GPAT3: variants seen among roughly 807,000 people sequenced by gnomAD.
The protein encoded by GPAT3 is glycerol-3-phosphate acyltransferase 3.
Under a neutral mutation model 58.8 loss-of-function variants are expected in GPAT3, and 53 were observed. The observed-to-expected ratio is 0.90, with a 90% CI of 0.72 to 1.13. The LOEUF is 1.13. Ranked by LOEUF, GPAT3 falls within the 50% of genes most tolerant of loss-of-function variation. The pLI, the probability that GPAT3 is intolerant of heterozygous loss-of-function variation, is 0.00. For missense variants in GPAT3, 511 were observed against 527.6 expected, an observed-to-expected ratio of 0.97 and a Z score of 0.31; for synonymous variants, 197 against 187.4, an observed-to-expected ratio of 1.05 and a Z score of -0.42.
chr4:83,539,822 G>C (rs1042863529), intron 1 of GPAT3, among the ~76,000 whole-genome samples: 3 of 152,202 alleles, frequency 2.0e-5, no homozygotes, highest in Non-Finnish European at 4.4e-5. Context: ...TAATATTACA[G>C]CTTTATAGTC....
chr4:83,588,493 T>C (rs938566479), intron 5 of GPAT3, among the ~76,000 whole-genome samples, 194 bp downstream of exon 5: 2 of 152,228 alleles, frequency 1.3e-5, no homozygotes, highest in African/African-American at 4.8e-5. Flanking sequence ...AAGAATATAA[T>C]AATAAACACG....
At chr4:83,597,382 A>C in intron 8 of GPAT3, 48 bp from the exon 9 acceptor site, 1 of 995,382 alleles carries the variant, frequency 1.0e-6, no homozygotes, top group Non-Finnish European at 1.4e-6. Context: ...TATTTTTAAA[A>C]TGACTGCCTT....
At chr4:83,592,228 G>A (rs1726628472) in intron 6 of GPAT3, among the ~76,000 whole-genome samples, 1 of 152,132 alleles carries the variant, frequency 6.6e-6, no homozygotes, top group African/African-American at 2.4e-5. Context: ...TTTAGATCAT[G>A]TATAACCGCA....
rs1560621462 is a variant in GPAT3, at chr4:83,579,081, C to CCTTCCTTCCTTCCTTCCTT, written c.209-2480_209-2479insTTCCTTCCTTCCTTCCTTC. Among the ~76,000 whole-genome samples the CCTTCCTTCCTTCCTTCCTT allele has an allele frequency of 1.5e-3, 30 of 19,678 alleles. 1 individual carries two copies. The highest frequency in any genetic ancestry group is 4.2e-3 in the African/African-American group (23 of 5,436). The allele number at this position is 19,678 out of a possible 152,430, so 12.9% of individuals were successfully genotyped here. A position where few individuals can be genotyped will look rare whatever the true frequency, so the allele number is the denominator to read the frequency against. ...TTCTTTCTTTCTTTCTTTCTTTCTT[C>CCTTCCTTCCTTCCTTCCTT]CCTTCCTTCCTTCCTTCCTTCCTTC... is the stretch of plus-strand genomic sequence containing the variant. On this transcript the variant is annotated intron_variant, in intron 2 of 11. Coordinates refer to ENST00000264409, the MANE Select transcript of GPAT3 (RefSeq NM_032717.5).
chr4:83,597,623 A>G (rs1726894045), intron 9 of GPAT3, 108 bp downstream of exon 9: 1 of 749,878 alleles, frequency 1.3e-6, no homozygotes. Context: ...GAGGAACACC[A>G]GTTTTCGGAT....
rs574822384 is a variant in GPAT3, at chr4:83,577,045, C to T, written c.209-4517C>T. On this transcript the variant is annotated intron_variant, in intron 2 of 11. Transcript: ENST00000264409. ...ACATCACCAGTCATGACAACTGTCT[C>T]CTGATGAGATGCACTGAGAATACCA... Among the ~76,000 whole-genome samples the T allele has an allele frequency of 5.3e-5, 8 of 152,296 alleles. No individual in the cohort carries two copies. In the East Asian group the frequency reaches 1.5e-3, roughly 29 times the overall value.
At chr4:83,551,665 C>A (rs6813640) in intron 2 of GPAT3, among the ~76,000 whole-genome samples, 52,681 of 151,132 alleles carry the variant, frequency 0.35, 9,547 homozygotes, top group Middle Eastern at 0.45. Context: ...GGTGGTGCGC[C>A]CCTATAGTCT....
chr4:83,604,063 TTTTG>T lies in GPAT3; in HGVS notation c.1206-585_1206-582del, dbSNP rs374143978. On this transcript the variant is annotated intron_variant, in intron 11 of 11. Coordinates refer to ENST00000264409, the MANE Select transcript of GPAT3 (RefSeq NM_032717.5). ...TTAATAATCCTTGTTTCAATCCAGT[TTTTG>T]TTTGTTTGTTTGTTTGTTTTTGAGA... 1.9e-3 allele frequency among the ~76,000 whole-genome samples: 293 copies of T among 152,052 alleles called. 4 individuals are homozygous for T. The highest frequency in any genetic ancestry group is 3.2e-3 in the Non-Finnish European group (216 of 67,988).
At chr4:83,541,097 C>G (rs923293023) in intron 1 of GPAT3, among the ~76,000 whole-genome samples, 3 of 152,192 alleles carry the variant, frequency 2.0e-5, no homozygotes, top group Admixed American at 2.0e-4. Flanking sequence ...CAATTCAAAT[C>G]TATATCTATC....
chr4:83,560,139 T>G (rs957142978), intron 2 of GPAT3, among the ~76,000 whole-genome samples: 1 of 152,120 alleles, frequency 6.6e-6, no homozygotes, highest in African/African-American at 2.4e-5. Context: ...CTCTGTTTCC[T>G]CCAAAGATTG....
At chr4:83,579,074 CTTTCTTCCCTTCCTTCCTT>C (rs1725989871) in intron 2 of GPAT3, among the ~76,000 whole-genome samples, 1 of 30,202 alleles carries the variant, frequency 3.3e-5, no homozygotes, top group African/African-American at 1.1e-4. Context: ...TTCTTTCTTT[CTTTCTTCCCTTCCTTCCTT>C]CCTTCCTTCC....
At chr4:83,540,536 T>C (rs930868778) in intron 1 of GPAT3, among the ~76,000 whole-genome samples, 1 of 152,152 alleles carries the variant, frequency 6.6e-6, no homozygotes, top group African/African-American at 2.4e-5. Context: ...CTGGACAGTC[T>C]GGAAAAAACT....
At chr4:83,562,183 ATATATATATATATATAATATATATATAT>A (rs1560610681) in intron 2 of GPAT3, among the ~76,000 whole-genome samples, 7 of 57,182 alleles carry the variant, frequency 1.2e-4, no homozygotes, top group Non-Finnish European at 2.2e-4. Context: ...TATATATTAT[ATATATATATATATATAATATATATATAT>A]TATATATATA....
rs1432249001 is a variant in GPAT3, at chr4:83,581,778, C to T, written c.425C>T (p.Thr142Ile). 4 of 1,614,058 alleles carry T rather than the reference C, an allele frequency of 2.5e-6. No homozygotes were observed. Among genetic ancestry groups the T allele is most frequent in the East Asian group, 2.2e-5 (1 of 44,894 alleles). ...TTCCAGTACATCAGTCTGCGGCTCA[C>T]TATGGTGTGGGTGCTGGGCGTCATA... is the stretch of plus-strand genomic sequence containing the variant. ...VNFQYISLRL[T>I]MVWVLGVIVR... Residue 142 changes from threonine (T) to isoleucine (I), a missense_variant, in exon 3 of 12, where the codon ACT becomes ATT. Coordinates refer to ENST00000264409, the MANE Select transcript of GPAT3 (RefSeq NM_032717.5).
chr4:83,581,841 T>C lies in GPAT3; in HGVS notation c.479+9T>C, dbSNP rs774629904. On this transcript the variant is annotated intron_variant, in intron 3 of 11. Transcript: ENST00000264409. ...GTCCTACTGCCTCTGAGGTAAGTCA[T>C]ATGCCTGGTAATTTGATGATACGCT... The C allele has an allele frequency of 3.8e-6, 6 of 1,594,448 alleles. No individual in the cohort carries two copies. The highest frequency in any genetic ancestry group is 5.1e-6 in the Non-Finnish European group (6 of 1,167,732).
chr4:83,587,171 T>G, intron 3 of GPAT3, 84 bp from the exon 4 acceptor site: 1 of 1,076,250 alleles, frequency 9.3e-7, no homozygotes, highest in Non-Finnish European at 1.4e-6. Context: ...TACAACTTAT[T>G]TACAATTTTA....
chr4:83,549,987 T>A (rs1724693509), intron 2 of GPAT3, among the ~76,000 whole-genome samples: 1 of 151,778 alleles, frequency 6.6e-6, no homozygotes. Flanking sequence ...CCTCCCAAAG[T>A]GTTGGGATTA....
At chr4:83,550,694 C>T (rs1366592128) in intron 2 of GPAT3, among the ~76,000 whole-genome samples, 3 of 152,152 alleles carry the variant, frequency 2.0e-5, no homozygotes, top group Non-Finnish European at 4.4e-5. Flanking sequence ...ATTTCCCTAA[C>T]AGTCTCAAAA....
At chr4:83,562,233 TATA>T (rs1161452870) in intron 2 of GPAT3, among the ~76,000 whole-genome samples, 1 of 76,384 alleles carries the variant, frequency 1.3e-5, no homozygotes, top group African/African-American at 5.2e-5. Flanking sequence ...ATAATATATA[TATA>T]ATATATATAT....
Sources: gnomAD v4.1 joint callset for allele counts (sites outside exome capture counted in the v4.1 genomes callset) on GRCh38, gnomAD v4.1.1 for gene constraint, MANE v1.5 for transcripts, NCBI Gene and HGNC (gene_info 2026-07-23, HGNC 2026-07-21) for gene names.